Variants in MED12L observed in about 807,000 individuals in gnomAD.
MED12L encodes the protein mediator of RNA polymerase II transcription subunit 12-like protein.
In MED12L, 60 loss-of-function variants were observed where a neutral mutation model predicts 281.3. The observed-to-expected ratio is 0.21, with a 90% CI of 0.17 to 0.26. The LOEUF is 0.26. MED12L is among the 10% of genes least tolerant of loss of function. MED12L has a pLI of 1.00. For synonymous variants in MED12L, 974 were observed against 987.2 expected (o/e 0.99, Z 0.25); for missense variants, 2,146 against 2,680.9 (o/e 0.80, Z 4.41).
chr3:151,329,147 TGAAAAG>T (rs920431477), intron 16 of MED12L: 86 of 658,690 alleles, frequency 1.3e-4, no homozygotes, highest in African/African-American at 1.3e-3. Context: ...ATAGATGTGT[TGAAAAG>T]GAAAATACTG....
At chr3:151,427,345 T>A (rs1718990691) in intron 43 of MED12L, among the ~76,000 whole-genome samples, 1 of 152,158 alleles carries the variant, frequency 6.6e-6, no homozygotes, top group Admixed American at 6.5e-5. Flanking sequence ...TGGATCACAA[T>A]TTGAGGCCCT....
intron 16 of MED12L, among the ~76,000 whole-genome samples, chr3:151,308,159 G>A (rs1577293804): frequency 6.6e-6 from 1 of 152,032 alleles, no homozygotes; most frequent in Non-Finnish European, 1.5e-5. Context: ...TTCTTAAAAA[G>A]CATATTTAAG....
chr3:151,286,977 C>T (rs1329088498), intron 16 of MED12L, among the ~76,000 whole-genome samples: 1 of 152,122 alleles, frequency 6.6e-6, no homozygotes, highest in South Asian at 2.1e-4. Flanking sequence ...AGCTTCAACC[C>T]AAGCCTTAGA....
At chr3:151,380,784 CTT>C (rs912069163) in intron 32 of MED12L, among the ~76,000 whole-genome samples, 1 of 152,110 alleles carries the variant, frequency 6.6e-6, no homozygotes, top group African/African-American at 2.4e-5. Flanking sequence ...TTGCATATAA[CTT>C]TGAACTATCT....
At chr3:151,416,620 G>A (rs187134135) in intron 43 of MED12L, among the ~76,000 whole-genome samples, 198 bp downstream of exon 43, 374 of 152,212 alleles carry the variant, frequency 2.5e-3, no homozygotes, top group African/African-American at 8.2e-3. Flanking sequence ...AAATATTTGG[G>A]ATTCAGTAGG....
Position 151,413,145 on chromosome 3 carries a change from C to T in MED12L, c.6147C>T (p.Asn2049=), listed in dbSNP as rs865978523. Reference sequence around the variant, plus strand: ...TTGCATTATTCTTTGCCAGACTGAACCATCAGGCTCTACAGCAGAGCCCTC... The same window carrying T: ...TTGCATTATTCTTTGCCAGACTGAATCATCAGGCTCTACAGCAGAGCCCTC... ...LQPLTGSQRL[N]HQALQQSPLV... Residue 2049 remains asparagine, a synonymous_variant, in exon 42 of 45, where the codon AAC becomes AAT. Transcript: ENST00000687756. The T allele has an allele frequency of 4.3e-6, 7 of 1,612,266 alleles. No homozygotes were observed. The highest frequency in any genetic ancestry group is 5.9e-6 in the Non-Finnish European group (7 of 1,178,510).
At chr3:151,357,184 T>C in intron 19 of MED12L, 29 bp from the exon 20 acceptor site, 1 of 1,548,124 alleles carries the variant, frequency 6.5e-7, no homozygotes, top group African/African-American at 1.4e-5. Flanking sequence ...GGCACCTACA[T>C]GTTTATTCAG....
chr3:151,373,161 A>G (rs767016116), intron 27 of MED12L, among the ~76,000 whole-genome samples: 2 of 152,132 alleles, frequency 1.3e-5, no homozygotes, highest in African/African-American at 2.4e-5. Context: ...TTTCTCATCT[A>G]TAGGCCACAG....
intron 43 of MED12L, among the ~76,000 whole-genome samples, chr3:151,420,299 C>T (rs1381573215): frequency 1.3e-5 from 2 of 152,142 alleles, no homozygotes; most frequent in African/African-American, 4.8e-5. Flanking sequence ...CCCTTCTTAG[C>T]CTGTTGGCTT....
At chr3:151,316,003 A>C (rs757876707) in intron 16 of MED12L, among the ~76,000 whole-genome samples, 1 of 152,298 alleles carries the variant, frequency 6.6e-6, no homozygotes, top group Non-Finnish European at 1.5e-5. Flanking sequence ...AAACAGTTTG[A>C]ATGTGGAACA....
intron 4 of MED12L, 146 bp from the exon 5 acceptor site, chr3:151,127,679 C>G (rs562890121): frequency 2.3e-5 from 13 of 562,520 alleles, no homozygotes; most frequent in Non-Finnish European, 3.3e-5. Flanking sequence ...ACTACATGCA[C>G]TATTTGAAAA....
chr3:151,268,065 T>G (rs887574188), intron 16 of MED12L, among the ~76,000 whole-genome samples: 3 of 152,222 alleles, frequency 2.0e-5, no homozygotes, highest in African/African-American at 7.2e-5. Context: ...AAATGCTCTG[T>G]TTTAATATGC....
Position 151,185,466 on chromosome 3 carries a change from G to C in MED12L, c.1626+5G>C. The C allele has an allele frequency of 1.2e-6, 2 of 1,613,504 alleles. No homozygotes were observed. Among genetic ancestry groups the C allele is most frequent in the Non-Finnish European group, 8.5e-7 (1 of 1,179,754 alleles). On this transcript the variant is annotated splice_donor_5th_base_variant and intron_variant, in intron 12 of 44. Transcript: ENST00000687756. ...CAAGCAGAAATTGAGGCAGAGGTAG[G>C]TTCCATTTTCTTTCTGCTTGTTGAA...
intron 16 of MED12L, chr3:151,295,211 T>C (rs1744925135): frequency 1.3e-6 from 2 of 1,599,930 alleles, no homozygotes; most frequent in Non-Finnish European, 8.5e-7. Context: ...CAGCTCGTTA[T>C]CTGTAGGAGA....
intron 39 of MED12L, among the ~76,000 whole-genome samples, chr3:151,401,319 C>A (rs1318424818): frequency 1.3e-5 from 2 of 150,324 alleles, no homozygotes; most frequent in Non-Finnish European, 3.0e-5. Flanking sequence ...AGTAAACATT[C>A]TTTTACATTT....
chr3:151,226,393 G>A (rs532172213), intron 16 of MED12L, among the ~76,000 whole-genome samples: 5 of 152,282 alleles, frequency 3.3e-5, no homozygotes, highest in African/African-American at 7.2e-5. Flanking sequence ...AAACGTTTAC[G>A]TTACAAATGA....
rs553093557 is a variant in MED12L, at chr3:151,174,074, A to G, written c.1494+8092A>G. On this transcript the variant is annotated intron_variant, in intron 11 of 44. Transcript: ENST00000687756. ...TTTCAGATTTTGGAATATTTGCATTATATACTTACCAGTTGAGCACCCCAG... is the reference window on the plus strand; with the variant it reads ...TTTCAGATTTTGGAATATTTGCATTGTATACTTACCAGTTGAGCACCCCAG... 2.6e-5 allele frequency among the ~76,000 whole-genome samples: 4 copies of G among 152,320 alleles called. No individual in the cohort carries two copies. The South Asian group carries it at 6.2e-4, about 24-fold the overall frequency.
At chr3:151,403,026 CTTTTTT>C (rs35870229) in intron 39 of MED12L, among the ~76,000 whole-genome samples, 1 of 145,434 alleles carries the variant, frequency 6.9e-6, no homozygotes, top group Non-Finnish European at 1.5e-5. Context: ...TTTCTTTTTT[CTTTTTT>C]TTTTTAATAA....
chr3:151,114,711 A>T (rs1712454492), intron 2 of MED12L, among the ~76,000 whole-genome samples: 1 of 150,016 alleles, frequency 6.7e-6, no homozygotes, highest in East Asian at 2.0e-4. Context: ...AGGAACTCTG[A>T]TGTAGTTCCA....
Sources: allele counts gnomAD v4.1 joint callset (sites outside exome capture counted in the v4.1 genomes callset), GRCh38; gene constraint gnomAD v4.1.1; transcripts MANE v1.5; gene names NCBI Gene and HGNC (gene_info 2026-07-23, HGNC 2026-07-21).